The following RIMBP2 variants were observed in gnomAD, a reference collection of about 807,000 sequenced individuals.
RIMBP2 encodes the protein RIMS-binding protein 2.
In RIMBP2, 48 loss-of-function variants were observed where a neutral mutation model predicts 118.6. That is an observed-to-expected ratio of 0.40 (90% CI 0.32 to 0.51). The LOEUF is 0.51. RIMBP2 is among the 20% of genes least tolerant of loss of function. RIMBP2 has a pLI of 0.41. For missense variants in RIMBP2, 1,551 were observed against 1,768.3 expected (o/e 0.88, Z 2.20); for synonymous variants, 762 against 742.9 (o/e 1.03, Z -0.42).
chr12:130,468,048 C>T (rs1231633297), intron 6 of RIMBP2, among the ~76,000 whole-genome samples: 3 of 152,172 alleles, frequency 2.0e-5, no homozygotes, highest in African/African-American at 4.8e-5. Context: ...CAGAAAGTCA[C>T]GAATATGCCC....
In RIMBP2 at chr12:130,457,814, C is replaced by T. The variant is rs529816637; in HGVS notation, c.154-1114G>A. Among the ~76,000 whole-genome samples, 12 of 152,328 alleles carry T rather than the reference C, an allele frequency of 7.9e-5. No individual in the cohort carries two copies. In the South Asian group the frequency reaches 1.5e-3, roughly 18 times the overall value. On this transcript the variant is annotated intron_variant, in intron 6 of 22. Transcript: ENST00000690449. ...GCGTTTGCTGAATCAGTGAAAAAGG[C>T]GAGCCCTGAGCTGTGGGCACCGTGC...
chr12:130,459,176 C>T lies in RIMBP2; in HGVS notation c.154-2476G>A, dbSNP rs1158644929. On this transcript the variant is annotated intron_variant, in intron 6 of 22. Transcript: ENST00000690449. ...GGTTAGGGGAGGGTGTGACGAGGGACGGTGCCATGAGGGAGTTTCTCTGGG... is the reference window on the plus strand; with the variant it reads ...GGTTAGGGGAGGGTGTGACGAGGGATGGTGCCATGAGGGAGTTTCTCTGGG... Among the ~76,000 whole-genome samples, 4 of 151,514 alleles carry T rather than the reference C, an allele frequency of 2.6e-5. No individual in the cohort carries two copies. In the East Asian group the frequency reaches 5.8e-4, roughly 22 times the overall value.
intron 1 of RIMBP2, among the ~76,000 whole-genome samples, chr12:130,669,549 T>G (rs1016385693): frequency 3.9e-5 from 6 of 152,126 alleles, no homozygotes; most frequent in African/African-American, 1.4e-4. Context: ...CACAGCTCAC[T>G]CTTCTCTCTC....
At chr12:130,709,913 G>A (rs892552391) in intron 1 of RIMBP2, among the ~76,000 whole-genome samples, 1 of 152,148 alleles carries the variant, frequency 6.6e-6, no homozygotes, top group African/African-American at 2.4e-5. Context: ...GCAGGAGGGA[G>A]GCAGGGGAAG....
chr12:130,670,694 A>T lies in RIMBP2; in HGVS notation c.-351-42238T>A, dbSNP rs139373645. On this transcript the variant is annotated intron_variant, in intron 1 of 22. Transcript: ENST00000690449. This position sits in a 1 kb window ranked among gnomAD's most constrained non-coding sequence, Gnocchi z 4.9. ...CACTGTCCCACCCTCCCTTGCAGCT[A>T]CAGTTGTCCATGGGGCATAGATCCA... is the stretch of plus-strand genomic sequence containing the variant. Among the ~76,000 whole-genome samples the T allele has an allele frequency of 3.6e-4, 54 of 150,466 alleles. 1 individual carries two copies. The East Asian group carries it at 9.8e-3, about 27-fold the overall frequency.
chr12:130,665,236 C>T (rs2063865760), intron 1 of RIMBP2, among the ~76,000 whole-genome samples: 1 of 151,618 alleles, frequency 6.6e-6, no homozygotes, highest in Admixed American at 6.6e-5. Flanking sequence ...AGGCAAATTC[C>T]TGAAAAAACA....
At chr12:130,613,590 T>A (rs1594041433) in intron 2 of RIMBP2, among the ~76,000 whole-genome samples, 1 of 151,994 alleles carries the variant, frequency 6.6e-6, no homozygotes, top group Non-Finnish European at 1.5e-5. Flanking sequence ...CCGAGGCAGG[T>A]GGATTACATG....
intron 1 of RIMBP2, among the ~76,000 whole-genome samples, chr12:130,680,946 G>T (rs1323106101): frequency 6.6e-6 from 1 of 152,178 alleles, no homozygotes; most frequent in East Asian, 1.9e-4. Flanking sequence ...GCTGAACCCT[G>T]GAGAAATCTC....
intron 4 of RIMBP2, among the ~76,000 whole-genome samples, chr12:130,495,525 T>G (rs559746671): frequency 1.3e-5 from 2 of 152,310 alleles, no homozygotes; most frequent in East Asian, 3.9e-4. Context: ...TCTCTGAAAT[T>G]CTTATCTATT....
At chr12:130,412,493 T>A in intron 19 of RIMBP2, 126 bp downstream of exon 19, 2 of 902,692 alleles carry the variant, frequency 2.2e-6, no homozygotes, top group Non-Finnish European at 3.4e-6. Context: ...TGGTCAACAT[T>A]TACATGACTT....
At chr12:130,695,966 G>A (rs1415757114) in intron 1 of RIMBP2, among the ~76,000 whole-genome samples, 2 of 152,088 alleles carry the variant, frequency 1.3e-5, no homozygotes, top group African/African-American at 4.8e-5. Flanking sequence ...CCTGGAGGAG[G>A]AGTACATTTA....
At chr12:130,432,239 G>T (rs528251031) in intron 14 of RIMBP2, 3 of 456,558 alleles carry the variant, frequency 6.6e-6, no homozygotes, top group Non-Finnish European at 1.3e-5. Context: ...TTCAGGCCTC[G>T]GTTCAATCTA....
In RIMBP2 at chr12:130,434,449, C is replaced by A. The variant is rs552223890; in HGVS notation, c.2253+285G>T. ...TGCCTGAACTGAGCCTAACCCTACC[C>A]GGACCTGCAAAACCACCCCTATGAC... On this transcript the variant is annotated intron_variant, in intron 14 of 22. Transcript: ENST00000690449. This position sits in a 1 kb window ranked among gnomAD's most constrained non-coding sequence, Gnocchi z 5.7. Among the ~76,000 whole-genome samples, 2 of 152,210 alleles carry A rather than the reference C, an allele frequency of 1.3e-5. No individual in the cohort carries two copies. The highest frequency in any genetic ancestry group is 2.4e-5 in the African/African-American group (1 of 41,446).
chr12:130,611,581 T>G (rs2060558532), intron 2 of RIMBP2, among the ~76,000 whole-genome samples: 1 of 152,212 alleles, frequency 6.6e-6, no homozygotes, highest in Non-Finnish European at 1.5e-5. Flanking sequence ...GGAGAGGATT[T>G]ACCTCCGTAG....
At chr12:130,528,135 T>C (rs994984829) in intron 2 of RIMBP2, among the ~76,000 whole-genome samples, 3 of 152,128 alleles carry the variant, frequency 2.0e-5, no homozygotes, top group African/African-American at 7.2e-5. Flanking sequence ...ATTATAAAGA[T>C]ACATGCAAGC....
At chr12:130,411,821 CA>C (rs2075741626) in intron 19 of RIMBP2, among the ~76,000 whole-genome samples, 1 of 148,878 alleles carries the variant, frequency 6.7e-6, no homozygotes, top group Non-Finnish European at 1.5e-5. Context: ...TTATTAATGC[CA>C]AAAAAGGTTG....
At position 130,535,738 on chromosome 12, in the gene RIMBP2, CATATATATATAT is replaced by C. The variant is rs55887629; in HGVS notation, c.-216-17833_-216-17822del. Among the ~76,000 whole-genome samples the C allele has an allele frequency of 1.6e-3, 107 of 66,718 alleles. 1 individual carries two copies. Among genetic ancestry groups the C allele is most frequent in the African/African-American group, 2.6e-3 (65 of 25,118 alleles). 43.8% of individuals were successfully genotyped at this position (66,718 alleles called of 152,430 possible). On this transcript the variant is annotated intron_variant, in intron 2 of 22. Coordinates refer to ENST00000690449, the MANE Select transcript of RIMBP2 (RefSeq NM_001393629.1). ...ATATACATATATATACATATATATA[CATATATATATAT>C]ATATATATATATATATATATATATA...
intron 1 of RIMBP2, among the ~76,000 whole-genome samples, chr12:130,643,578 C>G (rs535369220): frequency 2.2e-3 from 328 of 149,942 alleles, no homozygotes; most frequent in African/African-American, 8.0e-3. Context: ...AGGTCAGGGA[C>G]AGGTCCCCCA....
chr12:130,410,260 C>G (rs2075604391), intron 19 of RIMBP2, among the ~76,000 whole-genome samples: 1 of 152,162 alleles, frequency 6.6e-6, no homozygotes, highest in African/African-American at 2.4e-5. Flanking sequence ...TTTGAAAGGT[C>G]TTTGTGTATT....
Sources: allele counts gnomAD v4.1 joint callset (sites outside exome capture counted in the v4.1 genomes callset), GRCh38; gene constraint gnomAD v4.1.1; non-coding constraint Gnocchi (gnomAD v3.1); transcripts MANE v1.5; gene names NCBI Gene and HGNC (gene_info 2026-07-23, HGNC 2026-07-21).